The following EDIL3 variants were observed in gnomAD, a reference collection of about 807,000 sequenced individuals.
EDIL3 encodes the protein EGF-like repeat and discoidin I-like domain-containing protein 3.
In EDIL3, 37 loss-of-function variants were observed where a neutral mutation model predicts 67.4. That is an observed-to-expected ratio of 0.55 (90% CI 0.42 to 0.72). EDIL3 has a LOEUF of 0.72. EDIL3 is among the 30% of genes least tolerant of loss of function. The pLI is 0.00. For missense variants in EDIL3, 527 were observed against 586.3 expected, an observed-to-expected ratio of 0.90 and a Z score of 1.04; for synonymous variants, 195 against 196.3, an observed-to-expected ratio of 0.99 and a Z score of 0.05.
At chr5:84,075,137 G>C (rs1746826675) in intron 6 of EDIL3, among the ~76,000 whole-genome samples, 1 of 151,658 alleles carries the variant, frequency 6.6e-6, no homozygotes, top group African/African-American at 2.4e-5. Context: ...CTCATAGGTG[G>C]GAATTGAACA....
chr5:84,337,399 A>G (rs144733524), intron 1 of EDIL3, among the ~76,000 whole-genome samples: 69 of 152,266 alleles, frequency 4.5e-4, no homozygotes, highest in African/African-American at 1.4e-3. Context: ...TGAGCTAGAA[A>G]TTTCCTGTAC....
chr5:84,312,198 C>A (rs1239573842), intron 1 of EDIL3, among the ~76,000 whole-genome samples: 1 of 147,826 alleles, frequency 6.8e-6, no homozygotes, highest in Non-Finnish European at 1.5e-5. Context: ...CTGACCCCCC[C>A]ACCTCCCTCC....
intron 9 of EDIL3, among the ~76,000 whole-genome samples, chr5:83,983,113 T>C (rs1219908500): frequency 6.6e-6 from 1 of 152,136 alleles, no homozygotes; most frequent in East Asian, 1.9e-4. Flanking sequence ...TATGAACTAG[T>C]ATGGGTTTTA....
intron 9 of EDIL3, among the ~76,000 whole-genome samples, chr5:84,013,756 C>A (rs937756056): frequency 6.6e-6 from 1 of 152,222 alleles, no homozygotes; most frequent in Middle Eastern, 3.4e-3. Context: ...GTATGATATA[C>A]AAATATACCT....
At chr5:84,191,794 T>TA (rs1743591814) in intron 3 of EDIL3, among the ~76,000 whole-genome samples, 2 of 152,076 alleles carry the variant, frequency 1.3e-5, no homozygotes, top group African/African-American at 2.4e-5. Context: ...TTTTACTTTT[T>TA]ATCATATTGA....
intron 1 of EDIL3, among the ~76,000 whole-genome samples, chr5:84,319,491 CAACAAA>C (rs1746582656): frequency 7.6e-4 from 3 of 3,940 alleles, no homozygotes; most frequent in South Asian, 6.0e-3. Flanking sequence ...AAACAAAAAA[CAACAAA>C]AAAAAAAAAA....
chr5:84,286,946 T>C (rs994518790), intron 1 of EDIL3, among the ~76,000 whole-genome samples: 6 of 152,170 alleles, frequency 3.9e-5, no homozygotes, highest in African/African-American at 1.4e-4. Flanking sequence ...GCAATGCTAG[T>C]GCAGAAGTCT....
rs1748186383 is a variant in EDIL3, at chr5:84,384,604, G to C, written c.-230C>G. 5.5e-6 allele frequency: 2 copies of C among 363,474 alleles called. No individual in the cohort carries two copies. Among genetic ancestry groups the C allele is most frequent in the East Asian group, 8.6e-5 (2 of 23,260 alleles). 22.5% of individuals were successfully genotyped at this position (363,474 alleles called of 1,614,324 possible). ...CCTGCGCTCCGGCGCGCGGAGGTGG[G>C]TGAGCTCCGGGGAGCCGCCGGCGGG... On this transcript the variant is annotated 5_prime_UTR_variant, in exon 1 of 11. Coordinates refer to ENST00000296591, the MANE Select transcript of EDIL3 (RefSeq NM_005711.5).
intron 1 of EDIL3, among the ~76,000 whole-genome samples, chr5:84,260,916 A>C (rs1176221878): frequency 6.6e-6 from 1 of 152,218 alleles, no homozygotes; most frequent in African/African-American, 2.4e-5. Context: ...CAACAAACTA[A>C]ATGTGAAGAA....
At chr5:84,198,292 T>C (rs1269223325) in intron 3 of EDIL3, among the ~76,000 whole-genome samples, 3 of 151,520 alleles carry the variant, frequency 2.0e-5, no homozygotes, top group East Asian at 3.9e-4. Context: ...CTTCTGATGA[T>C]AGAATTCTTG....
intron 9 of EDIL3, among the ~76,000 whole-genome samples, chr5:84,041,345 C>T (rs1746116709): frequency 6.6e-6 from 1 of 151,626 alleles, no homozygotes; most frequent in Non-Finnish European, 1.5e-5. Context: ...TTCAGCCAGC[C>T]CATGCCACCA....
At chr5:84,178,502 T>G (rs540667720) in intron 4 of EDIL3, among the ~76,000 whole-genome samples, 3 of 152,292 alleles carry the variant, frequency 2.0e-5, no homozygotes, top group African/African-American at 7.2e-5. Flanking sequence ...ATATCACCCT[T>G]TTCAATTTCA....
chr5:84,311,986 G>A (rs1434755000), intron 1 of EDIL3, among the ~76,000 whole-genome samples: 1 of 152,152 alleles, frequency 6.6e-6, no homozygotes, highest in Non-Finnish European at 1.5e-5. Flanking sequence ...GCAACCATCC[G>A]ATTTCTCAAT....
At chr5:83,985,943 T>G (rs1394293999) in intron 9 of EDIL3, among the ~76,000 whole-genome samples, 1 of 152,084 alleles carries the variant, frequency 6.6e-6, no homozygotes, top group East Asian at 1.9e-4. Flanking sequence ...TTCATGCATT[T>G]TTTACTTTAA....
chr5:84,303,971 C>T (rs116035433), intron 1 of EDIL3, among the ~76,000 whole-genome samples: 2,753 of 151,706 alleles, frequency 0.018, 84 homozygotes, highest in African/African-American at 0.063. Context: ...CAATATATTG[C>T]GAGAATCTTT....
chr5:84,165,689 C>T lies in EDIL3; in HGVS notation c.355+14704G>A, dbSNP rs1034094926. Among the ~76,000 whole-genome samples, 7 of 152,118 alleles carry T rather than the reference C, an allele frequency of 4.6e-5. 1 individual carries two copies. The highest frequency in any genetic ancestry group is 4.6e-4 in the Admixed American group (7 of 15,268). ...AGCAGCAAGAGAGGCAAATGGCTCT[C>T]TCGATAATCTTGATGGAAAGCACTG... On this transcript the variant is annotated intron_variant, in intron 4 of 10. Coordinates refer to ENST00000296591, the MANE Select transcript of EDIL3 (RefSeq NM_005711.5).
intron 9 of EDIL3, among the ~76,000 whole-genome samples, chr5:83,983,199 C>T (rs1165502619): frequency 2.0e-5 from 3 of 152,076 alleles, no homozygotes; most frequent in South Asian, 4.2e-4. Context: ...TAGTACGTAT[C>T]GCATTGGGTT....
intron 9 of EDIL3, among the ~76,000 whole-genome samples, chr5:84,022,225 G>T (rs570634888): frequency 6.6e-6 from 1 of 151,856 alleles, no homozygotes; most frequent in African/African-American, 2.4e-5. Context: ...ATAACCAATT[G>T]AGATTTATAC....
chr5:84,279,007 C>T (rs1745641832), intron 1 of EDIL3, among the ~76,000 whole-genome samples: 1 of 150,688 alleles, frequency 6.6e-6, no homozygotes, highest in Admixed American at 6.6e-5. Context: ...TGGTAAAATC[C>T]TTCTATGCCT....
Sources: gnomAD v4.1 joint callset for allele counts (sites outside exome capture counted in the v4.1 genomes callset) on GRCh38, gnomAD v4.1.1 for gene constraint, MANE v1.5 for transcripts, NCBI Gene and HGNC (gene_info 2026-07-23, HGNC 2026-07-21) for gene names.